Variants in UXS1 observed in about 807,000 individuals in gnomAD.
The protein encoded by UXS1 is UDP-glucuronate decarboxylase 1, also known as UDP-glucuronic acid decarboxylase 1.
UXS1 carries 33 observed loss-of-function variants against 62.6 expected under a neutral mutation model. That is an observed-to-expected ratio of 0.53 (90% CI 0.40 to 0.70). The LOEUF (loss-of-function observed/expected upper bound fraction) is 0.70. Among genes scored for constraint, UXS1 ranks in the 30% least tolerant of loss-of-function variants. The pLI is 0.00. For missense variants in UXS1, 434 were observed against 556.3 expected (o/e 0.78, Z 2.21); for synonymous variants, 213 against 206.8 (o/e 1.03, Z -0.26).
intron 6 of UXS1, chr2:106,138,539 C>T (rs916294387): frequency 4.1e-6 from 4 of 985,456 alleles, no homozygotes; most frequent in Non-Finnish European, 4.8e-6. Context: ...ACAACAAATA[C>T]CCCTCCACGG....
intron 1 of UXS1, among the ~76,000 whole-genome samples, chr2:106,179,762 C>T (rs925596592): frequency 6.6e-6 from 1 of 152,202 alleles, no homozygotes; most frequent in Non-Finnish European, 1.5e-5. Flanking sequence ...TATAAATCTA[C>T]CAATGAGTTC....
chr2:106,187,498 G>C (rs1558762848), intron 1 of UXS1, among the ~76,000 whole-genome samples: 1 of 152,160 alleles, frequency 6.6e-6, no homozygotes, highest in Non-Finnish European at 1.5e-5. Context: ...TTATATTAAG[G>C]GCAAAACTGT....
At chr2:106,187,933 G>C (rs868167887) in intron 1 of UXS1, among the ~76,000 whole-genome samples, 1 of 151,890 alleles carries the variant, frequency 6.6e-6, no homozygotes, top group African/African-American at 2.4e-5. Flanking sequence ...CTAGAGACGG[G>C]GTTTCACCAT....
intron 9 of UXS1, among the ~76,000 whole-genome samples, chr2:106,116,297 G>A (rs141254990): frequency 7.9e-4 from 120 of 152,244 alleles, no homozygotes; most frequent in Admixed American, 2.5e-3. Flanking sequence ...CAGCCAACAC[G>A]GTCCAGATAT....
chr2:106,194,191 C>G lies in UXS1; in HGVS notation c.51G>C (p.Arg17Ser). ...LRLVSAVNRR[R>S]MKLLLGIALL... ...AGGCGATGCCCAGCAGCAGCTTCATCCTCCTGCGGTTGACGGCAGACACGA... is the reference window on the plus strand; with the variant it reads ...AGGCGATGCCCAGCAGCAGCTTCATGCTCCTGCGGTTGACGGCAGACACGA... Residue 17 changes from arginine to serine, a missense_variant, in exon 1 of 15, where the codon AGG (arginine) becomes AGC (serine). Physicochemically the swap from Arg to Ser is moderately radical, Grantham distance 110. Coordinates refer to ENST00000283148, the MANE Select transcript of UXS1 (RefSeq NM_001253875.2). The G allele has an allele frequency of 5.4e-6, 8 of 1,480,068 alleles. No homozygotes were observed. The highest frequency in any genetic ancestry group is 6.3e-6 in the Non-Finnish European group (7 of 1,113,566). 91.7% of individuals were successfully genotyped at this position (1,480,068 alleles called of 1,614,324 possible). A position where few individuals can be genotyped will look rare whatever the true frequency, so the allele number is the denominator to read the frequency against.
intron 10 of UXS1, among the ~76,000 whole-genome samples, chr2:106,111,227 C>T (rs569696815): frequency 3.3e-5 from 5 of 152,038 alleles, no homozygotes; most frequent in Admixed American, 1.3e-4. Flanking sequence ...AGGGAGGGCA[C>T]GGCCATTAGG....
intron 1 of UXS1, among the ~76,000 whole-genome samples, chr2:106,190,050 G>C (rs1258886246): frequency 6.6e-6 from 1 of 152,194 alleles, no homozygotes; most frequent in East Asian, 1.9e-4. Context: ...TCTTCAGGAA[G>C]GGGTGCTGAC....
At chr2:106,096,947 G>T in intron 13 of UXS1, 126 bp from the exon 14 acceptor site, 1 of 956,854 alleles carries the variant, frequency 1.0e-6, no homozygotes, top group Non-Finnish European at 1.6e-6. Flanking sequence ...TGGAAATGCA[G>T]TTCTCTGAGA....
chr2:106,194,065 G>A, intron 1 of UXS1, 83 bp downstream of exon 1: 1 of 1,186,232 alleles, frequency 8.4e-7, no homozygotes, highest in Non-Finnish European at 1.1e-6. Flanking sequence ...GGCCGCCTCG[G>A]GGCCCCGAAC....
At chr2:106,173,940 T>C (rs147199983) in intron 1 of UXS1, among the ~76,000 whole-genome samples, 2 of 152,298 alleles carry the variant, frequency 1.3e-5, no homozygotes, top group African/African-American at 4.8e-5. Flanking sequence ...GGAGTTCTTG[T>C]CCTTGAAGGA....
chr2:106,124,143 C>G (rs922173821), intron 8 of UXS1, among the ~76,000 whole-genome samples: 1 of 152,212 alleles, frequency 6.6e-6, no homozygotes, highest in Non-Finnish European at 1.5e-5. Context: ...AAGGAAAATA[C>G]TTCCTGAGAG....
At chr2:106,155,421 AAGG>A (rs1319120839) in intron 5 of UXS1, among the ~76,000 whole-genome samples, 1 of 152,216 alleles carries the variant, frequency 6.6e-6, no homozygotes, top group Non-Finnish European at 1.5e-5. Flanking sequence ...AAAGAAGGGA[AAGG>A]TACCAAATAG....
intron 6 of UXS1, among the ~76,000 whole-genome samples, chr2:106,136,655 C>G (rs1401100590): frequency 3.9e-5 from 2 of 50,712 alleles, no homozygotes; most frequent in Non-Finnish European, 7.8e-5. Flanking sequence ...AGTAAACTAT[C>G]GCAAGAACAA....
chr2:106,136,965 C>CAAAAAAAAAAAAAAAAAAA (rs397701050), intron 6 of UXS1, among the ~76,000 whole-genome samples: 4 of 54,170 alleles, frequency 7.4e-5, no homozygotes, highest in Admixed American at 2.0e-4. Flanking sequence ...AGAACACACA[C>CAAAAAAAAAAAAAAAAAAA]AAAAAAAAAA....
chr2:106,151,260 G>T (rs1341756019), intron 5 of UXS1, among the ~76,000 whole-genome samples: 1 of 152,132 alleles, frequency 6.6e-6, no homozygotes, highest in African/African-American at 2.4e-5. Flanking sequence ...CATTTTGCAT[G>T]TAAGAAGGAC....
chr2:106,096,987 C>T (rs755935144), intron 13 of UXS1, 166 bp from the exon 14 acceptor site: 9 of 752,578 alleles, frequency 1.2e-5, no homozygotes, highest in Admixed American at 8.1e-5. Flanking sequence ...GACTGTTCTG[C>T]GTGGAAGTCC....
rs140153196 is a variant in UXS1 at position 106,109,675 on chromosome 2, C to T, written c.879+2971G>A. ...GATGCAAACTTTGCTGAACATGATT[C>T]CACTTAAAATATAGCTTTGATGTAT... On this transcript the variant is annotated intron_variant, in intron 10 of 14. Coordinates refer to ENST00000283148, the MANE Select transcript of UXS1 (RefSeq NM_001253875.2). 1.3e-5 allele frequency among the ~76,000 whole-genome samples: 2 copies of T among 152,164 alleles called. 1 individual carries two copies. Among genetic ancestry groups the T allele is most frequent in the Non-Finnish European group, 2.9e-5 (2 of 68,034 alleles).
chr2:106,107,012 C>A (rs1360451121), intron 10 of UXS1, among the ~76,000 whole-genome samples: 1 of 152,032 alleles, frequency 6.6e-6, no homozygotes. Context: ...CAAACTGTGG[C>A]TCTCAGGCTG....
At chr2:106,119,169 G>A (rs542935098) in intron 9 of UXS1, among the ~76,000 whole-genome samples, 9 of 152,318 alleles carry the variant, frequency 5.9e-5, no homozygotes, top group Middle Eastern at 3.4e-3. Flanking sequence ...TACTGCAGGC[G>A]CATGAACCAC....
Sources: allele counts gnomAD v4.1 joint callset (sites outside exome capture counted in the v4.1 genomes callset), GRCh38; gene constraint gnomAD v4.1.1; transcripts MANE v1.5; gene names NCBI Gene and HGNC (gene_info 2026-07-23, HGNC 2026-07-21).